The following ABCC8 variants were observed in gnomAD, a reference collection of about 807,000 sequenced individuals.
ABCC8 encodes ATP binding cassette subfamily C member 8, also known as ATP-binding cassette sub-family C member 8.
Under a neutral mutation model 188.0 loss-of-function variants are expected in ABCC8, and 137 were observed. That is an observed-to-expected ratio of 0.73 (90% confidence interval 0.63 to 0.84). ABCC8 has a LOEUF of 0.84. Ranked by LOEUF, ABCC8 falls within the 40% of genes least tolerant of loss-of-function variation. The probability of loss-of-function intolerance (pLI) is 0.00; values close to 1 mark genes in which losing one functional copy is unlikely to be tolerated. For missense variants in ABCC8, 1,750 were observed against 2,072.7 expected (o/e 0.84, Z 3.02); for synonymous variants, 797 against 846.5 (o/e 0.94, Z 1.01).
At chr11:17,450,403 C>CTT (rs71885763) in intron 7 of ABCC8, among the ~76,000 whole-genome samples, 1,665 of 44,848 alleles carry the variant, frequency 0.037, 204 homozygotes, top group African/African-American at 0.11. Flanking sequence ...TCTTTCTTTC[C>CTT]TTTTTTTTTT....
intron 2 of ABCC8, among the ~76,000 whole-genome samples, chr11:17,474,226 G>A (rs145321065): frequency 1.3e-4 from 20 of 152,352 alleles, no homozygotes; most frequent in African/African-American, 4.3e-4. Flanking sequence ...ACTGAATAAT[G>A]TTTATGTTTA....
At position 17,453,079 on chromosome 11, in the gene ABCC8, T is replaced by C. The variant is rs200853268; in HGVS notation, c.1176+40A>G. On this transcript the variant is annotated intron_variant, in intron 7 of 38. Coordinates refer to ENST00000389817, the MANE Select transcript of ABCC8 (RefSeq NM_000352.6). Reference sequence around the variant, plus strand: ...CACTCATGGACATTATTCCTAATAATGGTTCTTATGGCAAAGTGAAAAAAT... The same window carrying C: ...CACTCATGGACATTATTCCTAATAACGGTTCTTATGGCAAAGTGAAAAAAT... 42 of 1,523,846 alleles carry C rather than the reference T, an allele frequency of 2.8e-5. No homozygotes were observed. The African/African-American group carries it at 5.1e-4, about 18-fold the overall frequency. The allele number at this position is 1,523,846 out of a possible 1,614,324, so 94.4% of individuals were successfully genotyped here. A position where few individuals can be genotyped will look rare whatever the true frequency, so the allele number is the denominator to read the frequency against.
At chr11:17,451,516 C>T (rs752744846) in intron 7 of ABCC8, among the ~76,000 whole-genome samples, 2 of 152,228 alleles carry the variant, frequency 1.3e-5, no homozygotes, top group Non-Finnish European at 1.5e-5. Context: ...TCCAAGATAG[C>T]CAGAGTTTGG....
In ABCC8 at chr11:17,428,177, A is replaced by G. The variant is rs543585800; in HGVS notation, c.2040+112T>C. 318 of 1,563,734 alleles carry G rather than the reference A, an allele frequency of 2.0e-4. 2 individuals are homozygous for G. The South Asian group carries it at 3.2e-3, about 16-fold the overall frequency. ...CTGGACTCCTATGGACCGTACAGGC[A>G]GGCAGGGTGACCTCTGCAGAGGACT... On this transcript the variant is annotated intron_variant, in intron 14 of 38. Coordinates refer to ENST00000389817, the MANE Select transcript of ABCC8 (RefSeq NM_000352.6).
intron 26 of ABCC8, chr11:17,406,369 G>A (rs557059782): frequency 1.4e-4 from 77 of 552,336 alleles, no homozygotes; most frequent in African/African-American, 1.1e-3. Context: ...ATGTGCAGAC[G>A]CTCACTTTAA....
intron 10 of ABCC8, chr11:17,436,059 G>C (rs990127481): frequency 2.0e-6 from 2 of 976,850 alleles, no homozygotes; most frequent in African/African-American, 3.2e-5. Context: ...TCTTATTCCA[G>C]AACTGCTCCA....
chr11:17,398,091 A>G (rs1239297878), intron 30 of ABCC8, among the ~76,000 whole-genome samples: 2 of 152,146 alleles, frequency 1.3e-5, no homozygotes, highest in Non-Finnish European at 2.9e-5. Context: ...CCCACTGCAG[A>G]TACACATTCA....
Position 17,461,758 on chromosome 11 carries a change from C to T in ABCC8, c.647G>A (p.Arg216His), listed in dbSNP as rs199702708. The T allele has an allele frequency of 7.9e-5, 128 of 1,614,052 alleles. No homozygotes were observed. The highest frequency in any genetic ancestry group is 1.0e-4 in the Non-Finnish European group (120 of 1,180,028). Residue 216 changes from arginine (R) to histidine (H), a missense_variant, in exon 5 of 39, where the codon CGC (arginine) becomes CAC (histidine). By Grantham distance (29) the Arg-to-His change is conservative. Transcript: ENST00000389817. ...CAGATTCACGAAGGGCTGCAGGAAG[C>T]GTACCCCCAGGTCTTGCAGGTCCTC... ...PPEDLQDLGV[R>H]FLQPFVNLLS... is the part of the protein sequence containing the mutation.
chr11:17,427,067 C>T lies in ABCC8; in HGVS notation c.2204G>A (p.Gly735Glu). 6.2e-6 allele frequency: 10 copies of T among 1,613,990 alleles called. No individual in the cohort carries two copies. Among genetic ancestry groups the T allele is most frequent in the Non-Finnish European group, 8.5e-6 (10 of 1,179,972 alleles). The change falls in exon 16 of 39, where the codon GGG becomes GAG. Residue 735 changes from glycine (G) to glutamate (E), a missense_variant. Physicochemically the swap from Gly to Glu is moderately conservative, Grantham distance 98. Transcript: ENST00000389817. The surrounding 1 kb of genome is among the most constrained non-coding windows in gnomAD (Gnocchi z 5.0). ...GTATTACCTGCTCCAGAAGACAGCC[C>T]CTGAGACCTTCTGCATCTCCCCCAG... Reference protein sequence around the residue: ...AALGEMQKVSGAVFWSSLPDS... With the variant: ...AALGEMQKVSEAVFWSSLPDS...
At chr11:17,396,299 G>A in intron 33 of ABCC8, 1 of 398,898 alleles carries the variant, frequency 2.5e-6, no homozygotes, top group Non-Finnish European at 4.8e-6. Context: ...GGATGTGTCT[G>A]TGTGCCCCGC....
intron 12 of ABCC8, chr11:17,430,454 G>T: frequency 2.7e-6 from 1 of 368,062 alleles, no homozygotes; most frequent in Non-Finnish European, 5.3e-6. Context: ...CAGCCACGTG[G>T]GGACGGGATG....
chr11:17,447,355 G>A (rs1433200898), intron 8 of ABCC8, among the ~76,000 whole-genome samples: 1 of 152,142 alleles, frequency 6.6e-6, no homozygotes, highest in African/African-American at 2.4e-5. Context: ...TGATTATTGG[G>A]GGGTAATGTA....
intron 2 of ABCC8, among the ~76,000 whole-genome samples, chr11:17,473,297 G>A (rs1338320134): frequency 5.9e-5 from 9 of 152,076 alleles, no homozygotes; most frequent in Admixed American, 1.3e-4. Context: ...GACTTGTCAC[G>A]TGCTTGTGTA....
chr11:17,464,719 A>G (rs1375777168), intron 3 of ABCC8, among the ~76,000 whole-genome samples: 3 of 152,232 alleles, frequency 2.0e-5, no homozygotes, highest in South Asian at 2.1e-4. Flanking sequence ...CAATCTGCCA[A>G]TAAATCACTG....
At chr11:17,396,117 C>T in intron 33 of ABCC8, 187 bp from the exon 34 acceptor site, 2 of 1,363,754 alleles carry the variant, frequency 1.5e-6, no homozygotes, top group Non-Finnish European at 2.0e-6. Context: ...CCAGAGAGGG[C>T]TTACACAGGG....
chr11:17,424,712 G>C (rs1473031161), intron 16 of ABCC8, among the ~76,000 whole-genome samples: 1 of 152,216 alleles, frequency 6.6e-6, no homozygotes, highest in Non-Finnish European at 1.5e-5. Flanking sequence ...CCTTGGAGGA[G>C]AGCCCAGATC....
In ABCC8 at chr11:17,442,892, T is replaced by G. The variant is rs769767231; in HGVS notation, c.1468-10A>C. On this transcript the variant is annotated splice_polypyrimidine_tract_variant and intron_variant, in intron 9 of 38. Transcript: ENST00000389817. Reference sequence around the variant, plus strand: ...GCTCATTGGAATACTCCTGCAGGGGTCCCCGAGTCAGAGGGGAGAGGCTTC... The same window carrying G: ...GCTCATTGGAATACTCCTGCAGGGGGCCCCGAGTCAGAGGGGAGAGGCTTC... 6.2e-7 allele frequency: 1 copy of G among 1,609,922 alleles called. No individual in the cohort carries two copies. The highest frequency in any genetic ancestry group is 1.3e-5 in the African/African-American group (1 of 74,598).
At chr11:17,415,227 G>A (rs948338816) in intron 18 of ABCC8, 77 bp downstream of exon 18, 4 of 1,555,846 alleles carry the variant, frequency 2.6e-6, no homozygotes, top group Non-Finnish European at 3.5e-6. Context: ...GCCCAGCAGG[G>A]TGATGTGGCT....
chr11:17,465,023 A>G (rs750965054), intron 3 of ABCC8, among the ~76,000 whole-genome samples: 27 of 152,218 alleles, frequency 1.8e-4, no homozygotes, highest in African/African-American at 2.4e-4. Context: ...GTTGGGCCCC[A>G]CCATGCGCCC....
Sources: gnomAD v4.1 joint callset for allele counts (sites outside exome capture counted in the v4.1 genomes callset) on GRCh38, gnomAD v4.1.1 for gene constraint, Gnocchi (gnomAD v3.1) non-coding constraint, MANE v1.5 for transcripts, NCBI Gene and HGNC (gene_info 2026-07-23, HGNC 2026-07-21) for gene names.